GRIK1: variants seen among roughly 807,000 people sequenced by gnomAD.
GRIK1 encodes glutamate ionotropic receptor kainate type subunit 1.
A neutral mutation model predicts 105.7 loss-of-function variants in GRIK1; 69 were observed. The observed-to-expected ratio is 0.65, with a 90% CI of 0.54 to 0.80. The LOEUF (loss-of-function observed/expected upper bound fraction) is 0.80. Among genes scored for constraint, GRIK1 ranks in the 30% least tolerant of loss-of-function variants. The pLI, the probability that GRIK1 is intolerant of heterozygous loss-of-function variation, is 0.00. For synonymous variants in GRIK1, 438 were observed against 431.3 expected, an observed-to-expected ratio of 1.02 and a Z score of -0.19; for missense variants, 1,109 against 1,167.3, an observed-to-expected ratio of 0.95 and a Z score of 0.73.
At position 29,834,302 on chromosome 21, in the gene GRIK1, G is replaced by A. The variant is rs549647834; in HGVS notation, c.118+105081C>T. On this transcript the variant is annotated intron_variant, in intron 1 of 17. Transcript: ENST00000327783. ...TTTTTGAAAACTATTAAACAGAAGT[G>A]GCAATATTCTTATATATATATAAAA... Among the ~76,000 whole-genome samples, 6 of 148,336 alleles carry A rather than the reference G, an allele frequency of 4.0e-5. No homozygotes were observed. The East Asian group carries it at 7.8e-4, about 19-fold the overall frequency.
At chr21:29,618,217 A>T (rs2061895876) in intron 7 of GRIK1, among the ~76,000 whole-genome samples, 1 of 152,170 alleles carries the variant, frequency 6.6e-6, no homozygotes, top group Admixed American at 6.5e-5. Flanking sequence ...CATGAAATCG[A>T]TTGCTTACTT....
chr21:29,875,250 A>G (rs1293633648), intron 1 of GRIK1, among the ~76,000 whole-genome samples: 1 of 151,976 alleles, frequency 6.6e-6, no homozygotes, highest in African/African-American at 2.4e-5. Context: ...CTGGAGCATC[A>G]TTTCTACCAG....
chr21:29,721,601 C>CAAAA (rs140389060), intron 1 of GRIK1, among the ~76,000 whole-genome samples: 40 of 137,272 alleles, frequency 2.9e-4, no homozygotes, highest in African/African-American at 1.1e-3. Flanking sequence ...GAATACATAC[C>CAAAA]AAAAAAAAAA....
At chr21:29,596,629 A>C in intron 8 of GRIK1, 59 bp from the exon 9 acceptor site, 2 of 1,197,842 alleles carry the variant, frequency 1.7e-6, no homozygotes, top group Middle Eastern at 3.8e-4. Context: ...TGGAGCGTGA[A>C]ACCCAGAAGG....
chr21:29,726,341 C>T (rs1430979662), intron 1 of GRIK1, among the ~76,000 whole-genome samples: 1 of 152,110 alleles, frequency 6.6e-6, no homozygotes, highest in Non-Finnish European at 1.5e-5. Context: ...TGCCTGACAT[C>T]AACAAGCCAA....
Position 29,578,305 on chromosome 21 carries a change from T to A in GRIK1, c.1913-1124A>T, listed in dbSNP as rs115047215. Among the ~76,000 whole-genome samples the A allele has an allele frequency of 3.8e-3, 580 of 152,346 alleles. 3 individuals are homozygous for A. The highest frequency in any genetic ancestry group is 0.013 in the African/African-American group (550 of 41,590). ...AGAGTGAAGTACAGTAGGTCAGCTG[T>A]CTGGTCTATAGGATCCCTTTACTAT... On this transcript the variant is annotated intron_variant, in intron 13 of 17. Transcript: ENST00000327783.
At chr21:29,593,416 C>T (rs1253898104) in intron 9 of GRIK1, among the ~76,000 whole-genome samples, 2 of 152,188 alleles carry the variant, frequency 1.3e-5, no homozygotes, top group Non-Finnish European at 2.9e-5. Flanking sequence ...AAGTGGACAG[C>T]ATTTTCTTCT....
intron 7 of GRIK1, among the ~76,000 whole-genome samples, chr21:29,631,112 C>G (rs73197514): frequency 6.6e-6 from 1 of 151,976 alleles, no homozygotes; most frequent in Non-Finnish European, 1.5e-5. Context: ...CTAGCCAGTT[C>G]GTGGTAAGTT....
chr21:29,759,996 A>T (rs1212218243), intron 1 of GRIK1: 1 of 152,210 alleles, frequency 6.6e-6, no homozygotes, highest in African/African-American at 2.4e-5. Flanking sequence ...GTCCATAATA[A>T]TCTTTATTCT....
Position 29,591,222 on chromosome 21 carries a change from C to T in GRIK1, c.1255G>A (p.Gly419Arg). Residue 419 changes from glycine to arginine, a missense_variant, in exon 10 of 18, where the codon GGG becomes AGG. By Grantham distance (125) the Gly-to-Arg change is moderately radical (BLOSUM62 -2). Around this residue, in one of 5 missense-constraint regions of GRIK1, gnomAD observed 612 missense variants for 586.0 expected, o/e 1.04. Transcript: ENST00000327783. ...KHLYKVWKKI[G>R]IWNSNSGLNM... Reference sequence around the variant, plus strand: ...AGCCCACTGTTGGAATTCCAAATCCCAATCTACACAGAACACAGTACATCA... The same window carrying T: ...AGCCCACTGTTGGAATTCCAAATCCTAATCTACACAGAACACAGTACATCA... 6.4e-7 allele frequency: 1 copy of T among 1,553,932 alleles called. No individual in the cohort carries two copies. Among genetic ancestry groups the T allele is most frequent in the South Asian group, 1.1e-5 (1 of 88,968 alleles).
At chr21:29,570,238 C>A (rs1377241471) in intron 14 of GRIK1, among the ~76,000 whole-genome samples, 1 of 152,122 alleles carries the variant, frequency 6.6e-6, no homozygotes, top group Non-Finnish European at 1.5e-5. Flanking sequence ...CATGGTGGCT[C>A]ACGCCTGTAA....
At chr21:29,719,213 AGTATTTTTATCTG>A (rs1004042569) in intron 1 of GRIK1, among the ~76,000 whole-genome samples, 53 of 151,118 alleles carry the variant, frequency 3.5e-4, no homozygotes, top group African/African-American at 1.2e-3. Flanking sequence ...ATATTTATCT[AGTATTTTTATCTG>A]GTATTTTTAT....
At chr21:29,712,887 G>A (rs1468102281) in intron 1 of GRIK1, among the ~76,000 whole-genome samples, 1 of 151,756 alleles carries the variant, frequency 6.6e-6, no homozygotes, top group East Asian at 1.9e-4. Flanking sequence ...ATAGTGAAGA[G>A]ATTTACTCCA....
chr21:29,909,077 A>G (rs2070732486), intron 1 of GRIK1, among the ~76,000 whole-genome samples: 1 of 152,138 alleles, frequency 6.6e-6, no homozygotes, highest in Non-Finnish European at 1.5e-5. Flanking sequence ...CGTGTTTGTT[A>G]CACATTGTAT....
In GRIK1 at chr21:29,544,878, G is replaced by A. The variant is rs553374177; in HGVS notation, c.2608-6994C>T. ...ATCTTGACCAAAGCCTAGATGCCAA[G>A]GGAGATCTGAGGAGGGGCACCTCCT... On this transcript the variant is annotated intron_variant, in intron 16 of 17. Coordinates refer to ENST00000327783, the MANE Select transcript of GRIK1 (RefSeq NM_001330994.2). 5.3e-5 allele frequency among the ~76,000 whole-genome samples: 8 copies of A among 152,362 alleles called. No individual in the cohort carries two copies. In the South Asian group the frequency reaches 1.7e-3, roughly 32 times the overall value.
intron 7 of GRIK1, among the ~76,000 whole-genome samples, chr21:29,607,650 T>A (rs363451): frequency 0.34 from 51,412 of 151,810 alleles, 9,475 homozygotes; most frequent in African/African-American, 0.5. Context: ...TTGATTTTTT[T>A]AAAAATTAGC....
At chr21:29,610,628 G>A (rs1197460525) in intron 7 of GRIK1, among the ~76,000 whole-genome samples, 3 of 152,062 alleles carry the variant, frequency 2.0e-5, no homozygotes, top group South Asian at 2.1e-4. Context: ...AGAAAGAATC[G>A]GCCTTACCAA....
chr21:29,720,992 C>T (rs1262531750), intron 1 of GRIK1, among the ~76,000 whole-genome samples: 1 of 152,130 alleles, frequency 6.6e-6, no homozygotes, highest in African/African-American at 2.4e-5. Flanking sequence ...GTTGACCCCA[C>T]TCCCAGACAG....
At chr21:29,765,892 C>T (rs1418912984) in intron 1 of GRIK1, among the ~76,000 whole-genome samples, 1 of 151,708 alleles carries the variant, frequency 6.6e-6, no homozygotes, top group Non-Finnish European at 1.5e-5. Flanking sequence ...CGCTCTGTCA[C>T]CCAGGCTGGA....
Sources: gnomAD v4.1 joint callset for allele counts (sites outside exome capture counted in the v4.1 genomes callset) on GRCh38, gnomAD v4.1.1 for gene constraint, gnomAD v4.1.1 regional missense constraint, MANE v1.5 for transcripts, NCBI Gene and HGNC (gene_info 2026-07-23, HGNC 2026-07-21) for gene names.